C2CD5: variants seen among roughly 807,000 people sequenced by gnomAD.
C2CD5 encodes the protein C2 domain-containing protein 5.
Under a neutral mutation model 130.3 loss-of-function variants are expected in C2CD5, and 109 were observed. That is an observed-to-expected ratio of 0.84 (90% CI 0.72 to 0.98). C2CD5 has a LOEUF of 0.98. Among genes scored for constraint, C2CD5 ranks in the 50% least tolerant of loss-of-function variants. The probability of loss-of-function intolerance (pLI) is 0.00; values close to 1 mark genes in which losing one functional copy is unlikely to be tolerated. For synonymous variants in C2CD5, 454 were observed against 429.2 expected (o/e 1.06, Z -0.71); for missense variants, 996 against 1,261.8 (o/e 0.79, Z 3.19).
intron 11 of C2CD5, 49 bp downstream of exon 11, chr12:22,493,174 T>C (rs758222450): frequency 2.0e-6 from 2 of 1,019,616 alleles, no homozygotes; most frequent in Admixed American, 2.0e-5. Context: ...CCCTTTCAGA[T>C]GGCAGTCTAA....
intron 13 of C2CD5, among the ~76,000 whole-genome samples, chr12:22,483,841 T>G (rs753075467): frequency 6.6e-6 from 1 of 151,954 alleles, no homozygotes; most frequent in Non-Finnish European, 1.5e-5. Context: ...ATAAGAAAAG[T>G]GAAGAAAATC....
At chr12:22,456,713 A>T (rs551324959) in intron 25 of C2CD5, among the ~76,000 whole-genome samples, 4 of 152,188 alleles carry the variant, frequency 2.6e-5, no homozygotes, top group Non-Finnish European at 4.4e-5. Context: ...TTAAACTTCT[A>T]TTTGAACACA....
chr12:22,465,744 GA>G (rs1941961187), intron 22 of C2CD5, among the ~76,000 whole-genome samples: 1 of 151,832 alleles, frequency 6.6e-6, no homozygotes, highest in Non-Finnish European at 1.5e-5. Flanking sequence ...TCAATGATGA[GA>G]AAAACACATG....
rs766022583 is a variant in C2CD5 at position 22,478,442 on chromosome 12, A to T, written c.1773T>A (p.Thr591=). The T allele has an allele frequency of 4.9e-5, 79 of 1,613,456 alleles. No individual in the cohort carries two copies. The South Asian group carries it at 7.2e-4, about 15-fold the overall frequency. Residue 591 remains threonine, a synonymous_variant, in exon 15 of 27, where the codon ACT becomes ACA. Coordinates refer to ENST00000446597, the MANE Select transcript of C2CD5 (RefSeq NM_001286176.2). ...TCCCAGCAATCTGAATACCACCAGG[A>T]GTTGGTAAAGCTGCTAAATACACAC... The part of the protein sequence containing the change: ...ATGVYLAALP[T]PGGIQIAGKT...
intron 3 of C2CD5, among the ~76,000 whole-genome samples, chr12:22,534,313 C>T (rs1290230750): frequency 6.6e-6 from 1 of 152,134 alleles, no homozygotes; most frequent in Admixed American, 6.5e-5. Flanking sequence ...TAGGGGTAAT[C>T]TTCATGACCT....
intron 11 of C2CD5, among the ~76,000 whole-genome samples, chr12:22,490,966 G>A (rs183313218): frequency 2.0e-5 from 3 of 152,290 alleles, no homozygotes; most frequent in East Asian, 3.9e-4. Flanking sequence ...ACAGTCACTT[G>A]AACTGTAAAT....
chr12:22,528,504 T>C (rs1950928627), intron 3 of C2CD5, among the ~76,000 whole-genome samples: 1 of 152,182 alleles, frequency 6.6e-6, no homozygotes, highest in African/African-American at 2.4e-5. Context: ...ATGGAAGACG[T>C]ACTCACTATT....
intron 2 of C2CD5, among the ~76,000 whole-genome samples, chr12:22,536,131 C>G (rs1318487425): frequency 1.4e-5 from 2 of 145,190 alleles, no homozygotes; most frequent in Admixed American, 6.7e-5. Context: ...AGATATATGG[C>G]ATTCTTCAGC....
At chr12:22,492,458 G>C (rs985510162) in intron 11 of C2CD5, among the ~76,000 whole-genome samples, 2 of 152,136 alleles carry the variant, frequency 1.3e-5, no homozygotes, top group Non-Finnish European at 2.9e-5. Context: ...TTTTAAGGCG[G>C]AACAGTTTCA....
intron 10 of C2CD5, among the ~76,000 whole-genome samples, chr12:22,505,253 TC>T (rs58249007): frequency 0.088 from 12,292 of 139,708 alleles, 1,390 homozygotes; most frequent in African/African-American, 0.3. Context: ...CTTCTTTCTT[TC>T]TTTTTTTTTT....
At chr12:22,536,665 T>C (rs979128520) in intron 2 of C2CD5, among the ~76,000 whole-genome samples, 2 of 152,184 alleles carry the variant, frequency 1.3e-5, no homozygotes, top group African/African-American at 2.4e-5. Flanking sequence ...CAAGTATTTG[T>C]TAAGAGGATG....
chr12:22,531,006 T>G (rs1177185448), intron 3 of C2CD5, among the ~76,000 whole-genome samples: 1 of 152,198 alleles, frequency 6.6e-6, no homozygotes, highest in Non-Finnish European at 1.5e-5. Flanking sequence ...ACTATTCGTT[T>G]TTAACCATTT....
chr12:22,523,351 G>T, intron 7 of C2CD5, 75 bp downstream of exon 7: 1 of 1,198,218 alleles, frequency 8.3e-7, no homozygotes, highest in Non-Finnish European at 1.2e-6. Context: ...CTACTAAAAT[G>T]TTTCAAATCA....
intron 9 of C2CD5, among the ~76,000 whole-genome samples, chr12:22,509,817 G>A (rs943916003): frequency 3.3e-5 from 5 of 152,136 alleles, no homozygotes; most frequent in African/African-American, 1.2e-4. Context: ...TTCTTTATAA[G>A]CAACAAACTT....
Position 22,490,145 on chromosome 12 carries a change from C to T in C2CD5, c.1336G>A (p.Val446Met), listed in dbSNP as rs184922333. Residue 446 changes from valine (V) to methionine (M), a missense_variant, in exon 12 of 27, where the codon GTG (valine) becomes ATG (methionine). By Grantham distance (21) the Val-to-Met change is conservative (BLOSUM62 1). This residue lies in a region of C2CD5 where 590 missense variants were observed against 631.4 expected (regional missense o/e 0.93). Coordinates refer to ENST00000446597, the MANE Select transcript of C2CD5 (RefSeq NM_001286176.2). ...AACCTCTGTTCCAAACAGCCTTCCA[C>T]GGTGCCATCCTGCAGAAATCTAGGA... is the stretch of plus-strand genomic sequence containing the variant. ...LNPRFLQDGT[V>M]EGCLEQRLEE... The T allele has an allele frequency of 3.7e-6, 6 of 1,613,410 alleles. No individual in the cohort carries two copies. The highest frequency in any genetic ancestry group is 4.5e-5 in the East Asian group (2 of 44,868).
chr12:22,512,463 ATTAG>A (rs1433036786), intron 9 of C2CD5, among the ~76,000 whole-genome samples: 1 of 149,204 alleles, frequency 6.7e-6, no homozygotes, highest in Admixed American at 6.6e-5. Context: ...CATGCACCAT[ATTAG>A]TTAGTAGAAA....
At chr12:22,519,476 A>AT (rs1950074443) in intron 7 of C2CD5, among the ~76,000 whole-genome samples, 1 of 152,122 alleles carries the variant, frequency 6.6e-6, no homozygotes, top group Non-Finnish European at 1.5e-5. Context: ...TTAATTGTGA[A>AT]TAAGAAAATA....
chr12:22,525,532 C>T lies in C2CD5; in HGVS notation c.445+78G>A, dbSNP rs569353230. ...CAAGTACAATAGCTTTTCTACTTGC[C>T]TTCTGAAATGTTAACTTGATTTCTC... On this transcript the variant is annotated intron_variant, in intron 5 of 26. Transcript: ENST00000446597. 4 of 798,008 alleles carry T rather than the reference C, an allele frequency of 5.0e-6. No homozygotes were observed. In the African/African-American group the frequency reaches 6.9e-5, roughly 14 times the overall value. The allele number at this position is 798,008 out of a possible 1,614,324, so 49.4% of individuals were successfully genotyped here.
chr12:22,496,763 T>G (rs1159342154), intron 10 of C2CD5, among the ~76,000 whole-genome samples: 2 of 151,638 alleles, frequency 1.3e-5, no homozygotes, highest in African/African-American at 4.8e-5. Context: ...CAAAACTCTT[T>G]GTAGATAATA....
Sources: gnomAD v4.1 joint callset for allele counts (sites outside exome capture counted in the v4.1 genomes callset) on GRCh38, gnomAD v4.1.1 for gene constraint, gnomAD v4.1.1 regional missense constraint, MANE v1.5 for transcripts, NCBI Gene and HGNC (gene_info 2026-07-23, HGNC 2026-07-21) for gene names.